Variants in VNN2 observed in about 807,000 individuals in gnomAD.
The protein encoded by VNN2 is vanin 2, also known as pantetheine hydrolase VNN2.
Under a neutral mutation model 43.0 loss-of-function variants are expected in VNN2, and 43 were observed. The observed-to-expected ratio is 1.00, with a 90% CI of 0.78 to 1.29. The LOEUF (loss-of-function observed/expected upper bound fraction) is 1.29. VNN2 is among the 50% of genes most tolerant of loss of function. The pLI, the probability that VNN2 is intolerant of heterozygous loss-of-function variation, is 0.00. For missense variants in VNN2, 652 were observed against 619.7 expected (o/e 1.05, Z -0.55); for synonymous variants, 230 against 224.3 (o/e 1.03, Z -0.23).
rs1482878374 is a variant in VNN2, at chr6:132,752,578, C to A, written c.709G>T (p.Ala237Ser). ...AAAAGGGGCAAAACGTTCATCCAAGCTGTGGGAAACAGTATGGTGTCCACA... is the reference window on the plus strand; with the variant it reads ...AAAAGGGGCAAAACGTTCATCCAAGATGTGGGAAACAGTATGGTGTCCACA... ...FHVDTILFPT[A>S]WMNVLPLLTA... The change falls in exon 4 of 7, where the codon GCT becomes TCT. Residue 237 changes from alanine (A) to serine (S), a missense_variant. Physicochemically the swap from Ala to Ser is moderately conservative, Grantham distance 99. Coordinates refer to ENST00000326499, the MANE Select transcript of VNN2 (RefSeq NM_004665.6). The A allele has an allele frequency of 1.2e-6, 2 of 1,614,176 alleles. No homozygotes were observed. Among genetic ancestry groups the A allele is most frequent in the Non-Finnish European group, 1.7e-6 (2 of 1,180,032 alleles).
At position 132,751,337 on chromosome 6, in the gene VNN2, A is replaced by G. The variant is rs757986932; in HGVS notation, c.1008T>C (p.Thr336=). The G allele has an allele frequency of 6.2e-7, 1 of 1,614,162 alleles. No individual in the cohort carries two copies. Among genetic ancestry groups the G allele is most frequent in the Non-Finnish European group, 8.5e-7 (1 of 1,180,028 alleles). ...CATCCCTGGAAATAAATCCCCTGAAAGTGTTTTTCTGTACTGGAAATGGTT... is the reference window on the plus strand; with the variant it reads ...CATCCCTGGAAATAAATCCCCTGAAGGTGTTTTTCTGTACTGGAAATGGTT... ...TIKPFPVQKN[T]FRGFISRDGF... Residue 336 remains threonine (T), a synonymous_variant, in exon 5 of 7, where the codon ACT becomes ACC. Coordinates refer to ENST00000326499, the MANE Select transcript of VNN2 (RefSeq NM_004665.6).
intron 3 of VNN2, 33 bp downstream of exon 3, chr6:132,755,810 G>A (rs529132041): frequency 1.9e-5 from 30 of 1,573,128 alleles, no homozygotes; most frequent in African/African-American, 1.2e-4. Flanking sequence ...CTCACAACAC[G>A]CTCCATTTTA....
chr6:132,746,343 A>T (rs1376789872), intron 6 of VNN2, among the ~76,000 whole-genome samples: 7 of 152,212 alleles, frequency 4.6e-5, no homozygotes, highest in Non-Finnish European at 1.0e-4. Flanking sequence ...TAACGTGTAA[A>T]TATCTATGGA....
chr6:132,744,537 A>T, intron 6 of VNN2, 46 bp from the exon 7 acceptor site: 1 of 1,511,828 alleles, frequency 6.6e-7, no homozygotes, highest in Non-Finnish European at 8.9e-7. Flanking sequence ...TTAACATAGA[A>T]GTTAAAAGCA....
upstream of VNN2, among the ~76,000 whole-genome samples, chr6:132,758,544 ACT>A (rs139734313): frequency 1.7e-4 from 26 of 152,146 alleles, no homozygotes; most frequent in East Asian, 4.3e-3. Context: ...CTCATAACTA[ACT>A]CTCGTGTAAA....
chr6:132,751,011 T>TTG (rs1554217890), intron 5 of VNN2, 134 bp downstream of exon 5: 63 of 935,392 alleles, frequency 6.7e-5, no homozygotes, highest in South Asian at 4.4e-4. Flanking sequence ...TGTGTGTGTG[T>TTG]TGTGTGTGTG....
intron 3 of VNN2, chr6:132,753,415 T>C (rs1458485315): frequency 4.7e-6 from 2 of 429,028 alleles, no homozygotes; most frequent in African/African-American, 4.2e-5. Flanking sequence ...GCATAATAAA[T>C]ACCTGTAAGT....
At chr6:132,748,523 C>T (rs1426916203) in intron 6 of VNN2, among the ~76,000 whole-genome samples, 2 of 152,172 alleles carry the variant, frequency 1.3e-5, no homozygotes, top group East Asian at 1.9e-4. Flanking sequence ...TTACTTGATG[C>T]CTTGATTGAA....
At chr6:132,747,634 A>T (rs938504620) in intron 6 of VNN2, among the ~76,000 whole-genome samples, 10 of 152,198 alleles carry the variant, frequency 6.6e-5, no homozygotes, top group African/African-American at 1.9e-4. Context: ...AATAATAATT[A>T]AAAATAATTT....
At chr6:132,762,262 G>A (rs1053069673), upstream of VNN2, among the ~76,000 whole-genome samples, 1 of 152,170 alleles carries the variant, frequency 6.6e-6, no homozygotes, top group Non-Finnish European at 1.5e-5. Context: ...TGGACTTCCT[G>A]TTCTGTCCCT....
Position 132,744,164 on chromosome 6 carries a change from T to C in VNN2, c.*136A>G. 1 of 679,426 alleles carries C rather than the reference T, an allele frequency of 1.5e-6. No individual in the cohort carries two copies. Among genetic ancestry groups the C allele is most frequent in the Admixed American group, 4.0e-5 (1 of 25,044 alleles). 42.1% of individuals were successfully genotyped at this position (679,426 alleles called of 1,614,324 possible). On this transcript the variant is annotated 3_prime_UTR_variant, in exon 7 of 7. Coordinates refer to ENST00000326499, the MANE Select transcript of VNN2 (RefSeq NM_004665.6). Reference sequence around the variant, plus strand: ...ATCATAATACTTAAAAAATAATTATTGATGAGAAAAAATATTTAGGACTCA... The same window carrying C: ...ATCATAATACTTAAAAAATAATTATCGATGAGAAAAAATATTTAGGACTCA...
At chr6:132,750,282 T>C (rs983467023) in intron 5 of VNN2, among the ~76,000 whole-genome samples, 4 of 151,982 alleles carry the variant, frequency 2.6e-5, no homozygotes, top group Non-Finnish European at 5.9e-5. Flanking sequence ...TGGAGTATAA[T>C]AGGAAAATAC....
At position 132,747,700 on chromosome 6, in the gene VNN2, A is replaced by G. The variant is rs1156931445; in HGVS notation, c.1371+1995T>C. Among the ~76,000 whole-genome samples the G allele has an allele frequency of 2.0e-5, 3 of 152,342 alleles. No homozygotes were observed. In the East Asian group the frequency reaches 5.8e-4, roughly 29 times the overall value. On this transcript the variant is annotated intron_variant, in intron 6 of 6. Coordinates refer to ENST00000326499, the MANE Select transcript of VNN2 (RefSeq NM_004665.6). ...ATACTATGGAGTTAAGCATTTAAAC[A>G]TGTATTCTCTTGTATCATTCTCTAA...
chr6:132,757,382 A>G (rs1780537604), intron 2 of VNN2, 34 bp downstream of exon 2: 1 of 1,563,330 alleles, frequency 6.4e-7, no homozygotes, highest in African/African-American at 1.4e-5. Flanking sequence ...TTAGAGAGTT[A>G]CTTTTGCACA....
upstream of VNN2, among the ~76,000 whole-genome samples, chr6:132,758,322 C>T (rs779454290): frequency 1.9e-4 from 29 of 152,010 alleles, no homozygotes; most frequent in Non-Finnish European, 3.8e-4. Context: ...GGATTACAGG[C>T]GTGAGCCACT....
upstream of VNN2, chr6:132,758,045 T>TCTTCTTCTTCTTCTTCTTCTTCTTC (rs1484257845): frequency 1.2e-5 from 4 of 343,560 alleles, no homozygotes; most frequent in African/African-American, 2.2e-4. Context: ...TCTTCTTTTT[T>TCTTCTTCTTCTTCTTCTTCTTCTTC]TTTTTTTTTT....
upstream of VNN2, among the ~76,000 whole-genome samples, chr6:132,761,552 C>G (rs759118485): frequency 1.3e-5 from 2 of 152,034 alleles, no homozygotes; most frequent in Non-Finnish European, 2.9e-5. Flanking sequence ...CCCAGCTACT[C>G]AGGAGGCTGA....
upstream of VNN2, among the ~76,000 whole-genome samples, chr6:132,759,417 C>T (rs917112637): frequency 1.6e-5 from 2 of 123,046 alleles, no homozygotes; most frequent in Admixed American, 1.1e-4. Flanking sequence ...CCAGGCTGGG[C>T]GACAGAGCGA....
At chr6:132,747,604 G>C (rs999180926) in intron 6 of VNN2, among the ~76,000 whole-genome samples, 3 of 152,060 alleles carry the variant, frequency 2.0e-5, no homozygotes, top group African/African-American at 7.3e-5. Flanking sequence ...GCAACACAGC[G>C]AGACGCCATC....
Sources: allele counts gnomAD v4.1 joint callset (sites outside exome capture counted in the v4.1 genomes callset), GRCh38; gene constraint gnomAD v4.1.1; transcripts MANE v1.5; gene names NCBI Gene and HGNC (gene_info 2026-07-23, HGNC 2026-07-21).